Variants in SULF2 observed in about 807,000 individuals in gnomAD.
The protein encoded by SULF2 is sulfatase 2, also known as extracellular sulfatase Sulf-2.
SULF2 carries 52 observed loss-of-function variants against 107.7 expected under a neutral mutation model. The ratio of observed to expected loss-of-function variants is 0.48; its 90% CI spans 0.39 to 0.61. SULF2 has a LOEUF of 0.61. Among genes scored for constraint, SULF2 ranks in the 20% least tolerant of loss-of-function variants. The pLI is 0.00. For missense variants in SULF2, 993 were observed against 1,177.3 expected, an observed-to-expected ratio of 0.84 and a Z score of 2.29; for synonymous variants, 460 against 464.3, an observed-to-expected ratio of 0.99 and a Z score of 0.12.
At chr20:47,668,158 T>C (rs755406045) in intron 11 of SULF2, among the ~76,000 whole-genome samples, 6 of 152,200 alleles carry the variant, frequency 3.9e-5, no homozygotes, top group Admixed American at 6.5e-5. Flanking sequence ...CCACTCCTTT[T>C]GTCTCAGTCG....
At chr20:47,763,950 C>T (rs2090472174) in intron 1 of SULF2, among the ~76,000 whole-genome samples, 1 of 152,210 alleles carries the variant, frequency 6.6e-6, no homozygotes, top group African/African-American at 2.4e-5. Context: ...AAGAACCCAC[C>T]CAACCTGCTC....
chr20:47,723,133 A>T (rs1431896017), intron 3 of SULF2, among the ~76,000 whole-genome samples: 1 of 152,098 alleles, frequency 6.6e-6, no homozygotes, highest in African/African-American at 2.4e-5. Context: ...AGTTCCAGCT[A>T]CTTGGGAAGC....
chr20:47,709,630 G>A (rs1191382731), intron 3 of SULF2, among the ~76,000 whole-genome samples: 4 of 152,206 alleles, frequency 2.6e-5, no homozygotes, highest in Middle Eastern at 6.3e-3. Flanking sequence ...CAACTGCAGC[G>A]AGTCAGCCCT....
At chr20:47,700,238 G>A (rs1015170153) in intron 4 of SULF2, among the ~76,000 whole-genome samples, 3 of 152,114 alleles carry the variant, frequency 2.0e-5, no homozygotes, top group African/African-American at 7.2e-5. Context: ...CAAGCAGGTC[G>A]ACTGCCTGTT....
intron 3 of SULF2, among the ~76,000 whole-genome samples, chr20:47,719,287 C>T (rs555041859): frequency 6.6e-6 from 1 of 152,312 alleles, no homozygotes; most frequent in South Asian, 2.1e-4. Flanking sequence ...ATATAACTGG[C>T]TTCCTTTGTA....
chr20:47,781,000 C>T (rs1002209535), intron 1 of SULF2, among the ~76,000 whole-genome samples: 1 of 152,240 alleles, frequency 6.6e-6, no homozygotes, highest in Non-Finnish European at 1.5e-5. Context: ...ATCCAGGACC[C>T]TCCCTAGAAG....
chr20:47,725,567 G>A (rs768851428), intron 3 of SULF2, among the ~76,000 whole-genome samples: 3 of 152,202 alleles, frequency 2.0e-5, no homozygotes, highest in Non-Finnish European at 2.9e-5. Context: ...GCTCCCTTGA[G>A]AACCACCAGC....
chr20:47,702,456 T>C (rs557446599), intron 4 of SULF2, 63 bp downstream of exon 4: 8 of 1,566,096 alleles, frequency 5.1e-6, no homozygotes, highest in East Asian at 2.3e-5. Context: ...GTCTGGCTCC[T>C]GAGTTGGGCC....
intron 1 of SULF2, among the ~76,000 whole-genome samples, chr20:47,780,711 A>G (rs2090816613): frequency 6.6e-6 from 1 of 151,942 alleles, no homozygotes; most frequent in Non-Finnish European, 1.5e-5. Context: ...GCACCATCAC[A>G]CCTGGCTAAT....
At chr20:47,670,012 C>T (rs532536333) in intron 11 of SULF2, among the ~76,000 whole-genome samples, 22 of 152,240 alleles carry the variant, frequency 1.4e-4, no homozygotes, top group African/African-American at 4.8e-4. Flanking sequence ...AACGGAGGGT[C>T]ATCAGCTGGG....
chr20:47,692,545 G>A (rs1247391266), intron 4 of SULF2, among the ~76,000 whole-genome samples: 1 of 152,184 alleles, frequency 6.6e-6, no homozygotes, highest in Non-Finnish European at 1.5e-5. Context: ...TAAGTAGCTA[G>A]GACTATAGGC....
chr20:47,722,551 C>T (rs2089323144), intron 3 of SULF2, among the ~76,000 whole-genome samples: 1 of 152,106 alleles, frequency 6.6e-6, no homozygotes, highest in South Asian at 2.1e-4. Context: ...TGTGAGCCAC[C>T]GTGCCTGGCC....
chr20:47,659,849 C>T (rs987553946), intron 18 of SULF2, 119 bp from the exon 19 acceptor site: 54 of 758,130 alleles, frequency 7.1e-5, no homozygotes, highest in Non-Finnish European at 1.1e-4. Flanking sequence ...TGATAGTGTT[C>T]CCTACTCAGA....
At chr20:47,766,180 T>TA (rs2090524771) in intron 1 of SULF2, among the ~76,000 whole-genome samples, 1 of 152,200 alleles carries the variant, frequency 6.6e-6, no homozygotes, top group Non-Finnish European at 1.5e-5. Flanking sequence ...GCACATCTGT[T>TA]AAACTTTACA....
intron 2 of SULF2, among the ~76,000 whole-genome samples, chr20:47,739,427 C>T (rs1412410919): frequency 6.6e-6 from 1 of 152,176 alleles, no homozygotes; most frequent in East Asian, 1.9e-4. Context: ...CAGTATTGCA[C>T]ATTGGCCGCC....
chr20:47,767,172 A>C (rs2090543730), intron 1 of SULF2, among the ~76,000 whole-genome samples: 1 of 152,154 alleles, frequency 6.6e-6, no homozygotes, highest in Non-Finnish European at 1.5e-5. Context: ...CTTCTCAGTG[A>C]CTTCATCTGG....
At chr20:47,684,925 G>A (rs918705070) in intron 5 of SULF2, 4 of 183,280 alleles carry the variant, frequency 2.2e-5, no homozygotes, top group Admixed American at 1.2e-4. Flanking sequence ...GACTTTGCTC[G>A]TCTTCCTTTT....
intron 3 of SULF2, among the ~76,000 whole-genome samples, chr20:47,719,526 C>A (rs2089226099): frequency 6.6e-6 from 1 of 152,212 alleles, no homozygotes; most frequent in Non-Finnish European, 1.5e-5. Flanking sequence ...CCTGCCACAT[C>A]ATCTCTAGGC....
At chr20:47,674,557 T>G (rs1367944009) in intron 10 of SULF2, among the ~76,000 whole-genome samples, 1 of 152,244 alleles carries the variant, frequency 6.6e-6, no homozygotes, top group Non-Finnish European at 1.5e-5. Flanking sequence ...GGCCCTGGTC[T>G]GGGCTTTGGC....
Sources: gnomAD v4.1 joint callset for allele counts (sites outside exome capture counted in the v4.1 genomes callset) on GRCh38, gnomAD v4.1.1 for gene constraint, MANE v1.5 for transcripts, NCBI Gene and HGNC (gene_info 2026-07-23, HGNC 2026-07-21) for gene names.